The following CTNNA3 variants were observed in gnomAD, a reference collection of about 807,000 sequenced individuals.
CTNNA3 encodes the protein catenin alpha-3.
Under a neutral mutation model 95.7 loss-of-function variants are expected in CTNNA3, and 76 were observed. The observed-to-expected ratio is 0.79, with a 90% CI of 0.66 to 0.96. The LOEUF is 0.96. CTNNA3 is among the 40% of genes least tolerant of loss of function. CTNNA3 has a pLI of 0.00. For missense variants in CTNNA3, 1,191 were observed against 1,089.8 expected (o/e 1.09, Z -1.31); for synonymous variants, 431 against 374.4 (o/e 1.15, Z -1.74).
At chr10:66,596,094 C>T (rs1735202743) in intron 10 of CTNNA3, among the ~76,000 whole-genome samples, 2 of 152,056 alleles carry the variant, frequency 1.3e-5, no homozygotes, top group Non-Finnish European at 2.9e-5. Flanking sequence ...CCACTTCTGT[C>T]TCATCCCACC....
intron 3 of CTNNA3, among the ~76,000 whole-genome samples, chr10:67,577,839 A>G (rs1842222023): frequency 1.3e-5 from 2 of 150,982 alleles, no homozygotes; most frequent in African/African-American, 2.4e-5. Flanking sequence ...TATCTTTTTT[A>G]TATATTGGCT....
chr10:67,708,099 T>A (rs75387452), intron 1 of CTNNA3, among the ~76,000 whole-genome samples: 4,742 of 152,266 alleles, frequency 0.031, 245 homozygotes, highest in African/African-American at 0.11. Flanking sequence ...AGTTGACACA[T>A]TAGCTTTGTT....
At chr10:66,161,782 C>T (rs2084862781) in intron 13 of CTNNA3, among the ~76,000 whole-genome samples, 1 of 152,150 alleles carries the variant, frequency 6.6e-6, no homozygotes, top group Non-Finnish European at 1.5e-5. Flanking sequence ...CAATTATTCC[C>T]CCAAATATGT....
At chr10:67,607,148 C>T in intron 2 of CTNNA3, 99 bp from the exon 3 acceptor site, 3 of 938,142 alleles carry the variant, frequency 3.2e-6, no homozygotes, top group Non-Finnish European at 4.7e-6. Flanking sequence ...ACAGTTGACA[C>T]TTGAGCAACT....
At chr10:67,105,684 A>G (rs1478932052) in intron 7 of CTNNA3, among the ~76,000 whole-genome samples, 4 of 152,150 alleles carry the variant, frequency 2.6e-5, no homozygotes, top group African/African-American at 9.7e-5. Flanking sequence ...GGCCACCACA[A>G]TGGGGAGCTG....
At chr10:67,243,078 T>A (rs1166137235) in intron 5 of CTNNA3, among the ~76,000 whole-genome samples, 1 of 152,168 alleles carries the variant, frequency 6.6e-6, no homozygotes, top group East Asian at 1.9e-4. Context: ...AAATTTAAAC[T>A]GAGAGGTGTT....
At chr10:66,088,268 T>C (rs1362005087) in intron 14 of CTNNA3, among the ~76,000 whole-genome samples, 1 of 152,094 alleles carries the variant, frequency 6.6e-6, no homozygotes, top group Non-Finnish European at 1.5e-5. Context: ...TACATATATA[T>C]GTGTCATTAT....
At chr10:66,654,629 G>A (rs540287580) in intron 9 of CTNNA3, among the ~76,000 whole-genome samples, 4 of 151,992 alleles carry the variant, frequency 2.6e-5, no homozygotes, top group Non-Finnish European at 5.9e-5. Flanking sequence ...TATGAAATTA[G>A]TATGTCAAAG....
chr10:67,006,703 T>C (rs574955851), intron 7 of CTNNA3, among the ~76,000 whole-genome samples: 1 of 152,324 alleles, frequency 6.6e-6, no homozygotes, highest in South Asian at 2.1e-4. Context: ...ATGTAAACAT[T>C]TTAATGGTGA....
intron 5 of CTNNA3, among the ~76,000 whole-genome samples, chr10:67,520,713 A>T (rs913094926): frequency 6.6e-6 from 1 of 152,222 alleles, no homozygotes; most frequent in Non-Finnish European, 1.5e-5. Flanking sequence ...TATAACCCCT[A>T]GGAAAATAAG....
chr10:66,074,274 A>G (rs1044425502), intron 14 of CTNNA3, among the ~76,000 whole-genome samples: 4 of 151,920 alleles, frequency 2.6e-5, no homozygotes, highest in African/African-American at 9.7e-5. Context: ...TCTATAAACA[A>G]TATTTTGAAA....
chr10:66,207,402 A>T lies in CTNNA3; in HGVS notation c.1884+73068T>A, dbSNP rs1170874548. On this transcript the variant is annotated intron_variant, in intron 13 of 17. Transcript: ENST00000433211. ...TATATAATATGCAACCAAAGAAAGAAGTGTTTCTTTTTGCCAAAGAAAAAC... is the reference window on the plus strand; with the variant it reads ...TATATAATATGCAACCAAAGAAAGATGTGTTTCTTTTTGCCAAAGAAAAAC... Among the ~76,000 whole-genome samples the T allele has an allele frequency of 2.6e-5, 4 of 152,108 alleles. No homozygotes were observed. In the East Asian group the frequency reaches 7.7e-4, roughly 29 times the overall value.
intron 11 of CTNNA3, among the ~76,000 whole-genome samples, chr10:66,390,695 A>G (rs959047838): frequency 1.3e-5 from 2 of 152,174 alleles, no homozygotes; most frequent in Non-Finnish European, 2.9e-5. Flanking sequence ...ACTAAAAAGC[A>G]AATAGAATGC....
intron 5 of CTNNA3, among the ~76,000 whole-genome samples, chr10:67,453,466 C>T (rs755597519): frequency 5.3e-5 from 8 of 152,134 alleles, no homozygotes; most frequent in Non-Finnish European, 8.8e-5. Flanking sequence ...TTAACTTTTG[C>T]TTTTGTCCTT....
chr10:66,948,831 AG>A (rs981975955), intron 7 of CTNNA3, among the ~76,000 whole-genome samples: 14 of 152,224 alleles, frequency 9.2e-5, no homozygotes, highest in African/African-American at 3.4e-4. Flanking sequence ...CATAACATAA[AG>A]CAGTCCAATA....
At chr10:66,106,355 G>A (rs1221608433) in intron 13 of CTNNA3, among the ~76,000 whole-genome samples, 2 of 151,060 alleles carry the variant, frequency 1.3e-5, no homozygotes, top group Non-Finnish European at 3.0e-5. Flanking sequence ...GTGTGTGTGT[G>A]TGTGTGTGTG....
chr10:66,393,715 C>A (rs1306760846), intron 11 of CTNNA3, among the ~76,000 whole-genome samples: 3 of 152,024 alleles, frequency 2.0e-5, no homozygotes, highest in Non-Finnish European at 4.4e-5. Context: ...CTTTTCCAGG[C>A]ACTGTGTTGG....
At chr10:67,421,682 T>C (rs1219005685) in intron 5 of CTNNA3, among the ~76,000 whole-genome samples, 3 of 152,182 alleles carry the variant, frequency 2.0e-5, no homozygotes, top group Admixed American at 2.0e-4. Context: ...TTTTAATAAA[T>C]TATGTTTTTT....
intron 13 of CTNNA3, among the ~76,000 whole-genome samples, chr10:66,187,489 T>C (rs2086406547): frequency 6.6e-6 from 1 of 151,024 alleles, no homozygotes; most frequent in African/African-American, 2.4e-5. Flanking sequence ...TGCTGTCATC[T>C]CTAGATGATG....
Sources: gnomAD v4.1 joint callset for allele counts (sites outside exome capture counted in the v4.1 genomes callset) on GRCh38, gnomAD v4.1.1 for gene constraint, MANE v1.5 for transcripts, NCBI Gene and HGNC (gene_info 2026-07-23, HGNC 2026-07-21) for gene names.